MED13L: variants seen among roughly 807,000 people sequenced by gnomAD.
The protein encoded by MED13L is mediator complex subunit 13L.
Under a neutral mutation model 220.9 loss-of-function variants are expected in MED13L, and 7 were observed. The observed-to-expected ratio is 0.03, with a 90% CI of 0.02 to 0.06. The LOEUF (loss-of-function observed/expected upper bound fraction) is 0.06. MED13L is among the 10% of genes least tolerant of loss of function. The probability of loss-of-function intolerance (pLI) is 1.00; values close to 1 mark genes in which losing one functional copy is unlikely to be tolerated. For synonymous variants in MED13L, 1,011 were observed against 1,015.2 expected, an observed-to-expected ratio of 1.00 and a Z score of 0.08; for missense variants, 1,965 against 2,760.5, an observed-to-expected ratio of 0.71 and a Z score of 6.46.
At chr12:116,264,733 T>C (rs1321801044) in intron 1 of MED13L, among the ~76,000 whole-genome samples, 1 of 152,310 alleles carries the variant, frequency 6.6e-6, no homozygotes, top group African/African-American at 2.4e-5. Flanking sequence ...GTCTTTCCAC[T>C]ATTGATGCTC....
intron 2 of MED13L, among the ~76,000 whole-genome samples, chr12:116,222,729 T>TA (rs1868561056): frequency 6.6e-6 from 1 of 152,228 alleles, no homozygotes; most frequent in South Asian, 2.1e-4. Context: ...AACATGTATG[T>TA]ACCTTAATAA....
At chr12:116,083,215 T>C (rs1474292008) in intron 4 of MED13L, among the ~76,000 whole-genome samples, 1 of 152,018 alleles carries the variant, frequency 6.6e-6, no homozygotes, top group African/African-American at 2.4e-5. Flanking sequence ...GAGACCAGCC[T>C]GGCCATCTGG....
Position 116,005,745 on chromosome 12 carries a change from C to T in MED13L, c.2469+124G>A, listed in dbSNP as rs1879008836. On this transcript the variant is annotated intron_variant, in intron 13 of 30. Transcript: ENST00000281928. ...CCAGTATACAGACATTTATAAAGAA[C>T]ATTCAGAACCTGAAATAAGAGCCCC... 11 of 1,257,134 alleles carry T rather than the reference C, an allele frequency of 8.8e-6. No individual in the cohort carries two copies. The South Asian group carries it at 1.3e-4, about 15-fold the overall frequency. The allele number at this position is 1,257,134 out of a possible 1,614,324, so 77.9% of individuals were successfully genotyped here. A position where few individuals can be genotyped will look rare whatever the true frequency, so the allele number is the denominator to read the frequency against.
In MED13L at chr12:116,015,001, A is replaced by T. The variant is rs189723121; in HGVS notation, c.1175+108T>A. On this transcript the variant is annotated intron_variant, in intron 8 of 30. Coordinates refer to ENST00000281928, the MANE Select transcript of MED13L (RefSeq NM_015335.5). ...TCAAAAAGATGAAATACCAATGATG[A>T]CCTCTCAAGTTTGGTCACACAATAG... The T allele has an allele frequency of 1.9e-5, 19 of 1,024,368 alleles. No individual in the cohort carries two copies. The East Asian group carries it at 4.3e-4, about 23-fold the overall frequency. The allele number at this position is 1,024,368 out of a possible 1,614,324, so 63.5% of individuals were successfully genotyped here. A position where few individuals can be genotyped will look rare whatever the true frequency, so the allele number is the denominator to read the frequency against.
Position 115,996,533 on chromosome 12 carries a change from G to A in MED13L, c.2939C>T (p.Pro980Leu). Reference protein sequence around the residue: ...CLFRPSWAIPPKIEQLPMPPA... With the variant: ...CLFRPSWAIPLKIEQLPMPPA... Reference sequence around the variant, plus strand: ...GGGCATGGGCAGTTGTTCAATTTTAGGAGGAATTGCCCATGAAGGCCGAAA... The same window carrying A: ...GGGCATGGGCAGTTGTTCAATTTTAAGAGGAATTGCCCATGAAGGCCGAAA... Residue 980 changes from proline (P) to leucine (L), a missense_variant, in exon 16 of 31, where the codon CCT (proline) becomes CTT (leucine). Pro to Leu is a moderately conservative substitution (Grantham distance 98). Coordinates refer to ENST00000281928, the MANE Select transcript of MED13L (RefSeq NM_015335.5). 2 of 1,614,188 alleles carry A rather than the reference G, an allele frequency of 1.2e-6. No individual in the cohort carries two copies. The highest frequency in any genetic ancestry group is 3.3e-4 in the Middle Eastern group (2 of 6,062).
chr12:115,964,883 C>T (rs908154721), intron 29 of MED13L, among the ~76,000 whole-genome samples: 6 of 152,146 alleles, frequency 3.9e-5, no homozygotes, highest in South Asian at 2.1e-4. Flanking sequence ...GAACCACATT[C>T]GTGGCAACAG....
chr12:116,111,247 T>TG (rs1874052282), intron 3 of MED13L, among the ~76,000 whole-genome samples, 181 bp downstream of exon 3: 18 of 152,156 alleles, frequency 1.2e-4, no homozygotes, highest in Admixed American at 1.2e-3. Flanking sequence ...TTTGTACCAT[T>TG]CCCAAAACTT....
At chr12:115,963,698 T>C (rs555533700) in intron 29 of MED13L, among the ~76,000 whole-genome samples, 179 bp from the exon 30 acceptor site, 1 of 152,064 alleles carries the variant, frequency 6.6e-6, no homozygotes, top group Non-Finnish European at 1.5e-5. Flanking sequence ...TAACTTCTTA[T>C]CCTAGAGTTG....
chr12:116,255,467 G>C (rs1220913384), intron 1 of MED13L, among the ~76,000 whole-genome samples: 1 of 152,096 alleles, frequency 6.6e-6, no homozygotes, highest in African/African-American at 2.4e-5. Flanking sequence ...TCCTGCTTTG[G>C]GATGGCAAAG....
chr12:116,096,287 C>T (rs543008466), intron 4 of MED13L, among the ~76,000 whole-genome samples: 4 of 129,110 alleles, frequency 3.1e-5, no homozygotes, highest in African/African-American at 8.8e-5. Context: ...CCTGGGAAGT[C>T]GAGGCTGAGG....
chr12:116,138,417 G>T (rs537854424), intron 2 of MED13L, among the ~76,000 whole-genome samples: 1 of 152,322 alleles, frequency 6.6e-6, no homozygotes, highest in African/African-American at 2.4e-5. Context: ...GAAAGTGAAA[G>T]AACTGAAGAC....
At chr12:116,161,147 T>C (rs1878824362) in intron 2 of MED13L, among the ~76,000 whole-genome samples, 1 of 152,122 alleles carries the variant, frequency 6.6e-6, no homozygotes, top group South Asian at 2.1e-4. Flanking sequence ...AAGACAGTAA[T>C]CCATTCACAG....
chr12:116,207,411 G>GA (rs2138336746), intron 2 of MED13L, among the ~76,000 whole-genome samples: 1 of 152,266 alleles, frequency 6.6e-6, no homozygotes, highest in African/African-American at 2.4e-5. Flanking sequence ...ATAAAGCCCA[G>GA]ATGTATATAG....
intron 2 of MED13L, among the ~76,000 whole-genome samples, chr12:116,113,301 C>T (rs991193126): frequency 6.6e-6 from 1 of 151,856 alleles, no homozygotes; most frequent in African/African-American, 2.4e-5. Context: ...ACCTATTCGG[C>T]ACATTGTTTA....
chr12:116,126,379 G>A (rs997203257), intron 2 of MED13L, among the ~76,000 whole-genome samples: 4 of 152,174 alleles, frequency 2.6e-5, no homozygotes, highest in African/African-American at 9.7e-5. Context: ...ACAGTCTGGA[G>A]TAGGGCAGGC....
chr12:116,102,745 G>A (rs551693684), intron 3 of MED13L, among the ~76,000 whole-genome samples: 14 of 91,784 alleles, frequency 1.5e-4, no homozygotes, highest in Admixed American at 9.6e-4. Flanking sequence ...TTTTTGATAC[G>A]GAGTCTCACT....
intron 4 of MED13L, among the ~76,000 whole-genome samples, chr12:116,063,035 G>A (rs1869636210): frequency 6.6e-6 from 1 of 152,092 alleles, no homozygotes. Flanking sequence ...CATTCTTGGA[G>A]GCTCAACGCA....
chr12:116,147,974 C>T (rs1227324798), intron 2 of MED13L, among the ~76,000 whole-genome samples: 1 of 142,546 alleles, frequency 7.0e-6, no homozygotes, highest in Non-Finnish European at 1.5e-5. Context: ...TTCTCCTGGC[C>T]CGGGAGGCAG....
rs1195902123 is a variant in MED13L at position 115,960,423 on chromosome 12, T to C, written c.*843A>G. The C allele has an allele frequency of 6.5e-6, 1 of 152,686 alleles. No homozygotes were observed. Among genetic ancestry groups the C allele is most frequent in the Admixed American group, 6.5e-5 (1 of 15,286 alleles). The allele number at this position is 152,686 out of a possible 1,614,324, so 9.5% of individuals were successfully genotyped here. A position where few individuals can be genotyped will look rare whatever the true frequency, so the allele number is the denominator to read the frequency against. ...TTCATGAAATGCTGGCCACTTAACA[T>C]GGCAGAACTTTTAAAATCCAGTTTG... On this transcript the variant is annotated 3_prime_UTR_variant, in exon 31 of 31. Transcript: ENST00000281928.
Sources: allele counts gnomAD v4.1 joint callset (sites outside exome capture counted in the v4.1 genomes callset), GRCh38; gene constraint gnomAD v4.1.1; transcripts MANE v1.5; gene names NCBI Gene and HGNC (gene_info 2026-07-23, HGNC 2026-07-21).